GNAT1: variants seen among roughly 807,000 people sequenced by gnomAD.
The protein encoded by GNAT1 is guanine nucleotide-binding protein G(t) subunit alpha-1.
In GNAT1, 36 loss-of-function variants were observed where a neutral mutation model predicts 40.0. The ratio of observed to expected loss-of-function variants is 0.90; its 90% CI spans 0.69 to 1.19. The LOEUF (loss-of-function observed/expected upper bound fraction) is 1.19. Among genes scored for constraint, GNAT1 ranks in the 50% most tolerant of loss-of-function variants. GNAT1 has a pLI of 0.00. For missense variants in GNAT1, 413 were observed against 480.6 expected, an observed-to-expected ratio of 0.86 and a Z score of 1.32; for synonymous variants, 195 against 192.9, an observed-to-expected ratio of 1.01 and a Z score of -0.09.
Position 50,194,478 on chromosome 3 carries a change from C to T in GNAT1, c.709-23C>T, listed in dbSNP as rs765414248. 1.7e-5 allele frequency: 27 copies of T among 1,611,842 alleles called. No individual in the cohort carries two copies. The highest frequency in any genetic ancestry group is 2.0e-5 in the Non-Finnish European group (24 of 1,179,450). ...GCGGGTCGGACGCTACCCCGGGTGC[C>T]CAACAGCTGCTGCCCTCCTCAGAAC... On this transcript the variant is annotated intron_variant, in intron 6 of 8. Transcript: ENST00000232461. The surrounding 1 kb of genome is among the most constrained non-coding windows in gnomAD (Gnocchi z 6.1).
At position 50,193,784 on chromosome 3, in the gene GNAT1, C is replaced by T; in HGVS notation, c.481C>T (p.Pro161Ser). Residue 161 changes from proline (P) to serine (S), a missense_variant, in exon 5 of 9, where the codon CCG (proline) becomes TCG (serine). Physicochemically the swap from Pro to Ser is moderately conservative, Grantham distance 74. Coordinates refer to ENST00000232461, the MANE Select transcript of GNAT1 (RefSeq NM_144499.3). The surrounding 1 kb of genome is among the most constrained non-coding windows in gnomAD (Gnocchi z 8.1). ...CTCCGACCTGGAGCGCCTGGTAACCCCGGGCTACGTGCCCACCGAGCAGGA... is the reference window on the plus strand; with the variant it reads ...CTCCGACCTGGAGCGCCTGGTAACCTCGGGCTACGTGCCCACCGAGCAGGA... ...YLSDLERLVT[P>S]GYVPTEQDVL... 1.9e-6 allele frequency: 3 copies of T among 1,612,714 alleles called. No homozygotes were observed. Among genetic ancestry groups the T allele is most frequent in the Non-Finnish European group, 2.5e-6 (3 of 1,179,850 alleles).
In GNAT1 at chr3:50,197,516, T is replaced by G. The variant is rs1699520001; in HGVS notation, c.*2250T>G. Among the ~76,000 whole-genome samples the G allele has an allele frequency of 6.6e-6, 1 of 152,242 alleles. No individual in the cohort carries two copies. The highest frequency in any genetic ancestry group is 1.5e-5 in the Non-Finnish European group (1 of 68,044). On this transcript the variant is annotated 3_prime_UTR_variant, in exon 9 of 9. Transcript: ENST00000232461. ...AACTGGCTTATTTCACTTAGCATCA[T>G]GTCTTCAAGGTTTATTCATGTGTAG...
At position 50,196,674 on chromosome 3, in the gene GNAT1, A is replaced by G. The variant is rs1418616294; in HGVS notation, c.*1408A>G. Among the ~76,000 whole-genome samples, 5 of 152,090 alleles carry G rather than the reference A, an allele frequency of 3.3e-5. No homozygotes were observed. Among genetic ancestry groups the G allele is most frequent in the African/African-American group, 9.7e-5 (4 of 41,382 alleles). ...GGGCACTCTTGGGGGTATGGGACCA[A>G]CTCATGGCTTTTCACGGGAGTTGAG... On this transcript the variant is annotated 3_prime_UTR_variant, in exon 9 of 9. Transcript: ENST00000232461.
rs976908612 is a variant in GNAT1, at chr3:50,194,765, GA to G, written c.864del (p.Asn290ThrfsTer23). 1.9e-6 allele frequency: 3 copies of G among 1,613,624 alleles called. No homozygotes were observed. The Admixed American group carries it at 5.0e-5, about 27-fold the overall frequency. The part of the protein sequence containing the change: ...HLSICFPDYD[G>X]PNTYEDAGNY... Reference sequence around the variant, plus strand: ...AGAGTGAGAGCTCCCGCCCCCGCAGGACCCAACACCTACGAGGACGCCGGCA... The same window carrying G: ...AGAGTGAGAGCTCCCGCCCCCGCAGGCCCAACACCTACGAGGACGCCGGCA... On this transcript the variant is annotated frameshift_variant and splice_region_variant, in exon 8 of 9. Transcript: ENST00000232461. LOFTEE classifies it high-confidence loss of function. This position sits in a 1 kb window ranked among gnomAD's most constrained non-coding sequence, Gnocchi z 6.1.
In GNAT1 at chr3:50,197,055, A is replaced by C. The variant is rs187475557; in HGVS notation, c.*1789A>C. ...TAACCAAGGTAAATAATATTAGGAT[A>C]ATATTTTTAAAAATCAAATGAATGC... On this transcript the variant is annotated 3_prime_UTR_variant, in exon 9 of 9. Coordinates refer to ENST00000232461, the MANE Select transcript of GNAT1 (RefSeq NM_144499.3). Among the ~76,000 whole-genome samples, 5 of 152,334 alleles carry C rather than the reference A, an allele frequency of 3.3e-5. No homozygotes were observed. In the East Asian group the frequency reaches 7.7e-4, roughly 23 times the overall value.
chr3:50,192,854 G>T (rs1699433312), intron 1 of GNAT1: 1 of 580,664 alleles, frequency 1.7e-6, no homozygotes, highest in Non-Finnish European at 3.1e-6. Flanking sequence ...GCCTGTGCCG[G>T]GGTCTTGGGG....
chr3:50,193,498 G>T lies in GNAT1; in HGVS notation c.292-8G>T. On this transcript the variant is annotated splice_region_variant and splice_polypyrimidine_tract_variant and intron_variant, in intron 3 of 8. Transcript: ENST00000232461. The surrounding 1 kb of genome is among the most constrained non-coding windows in gnomAD (Gnocchi z 8.1). Reference sequence around the variant, plus strand: ...GGCCGCCACCAGCCACTCTCACCCTGCCCCCAGGACGACGCCCGGAAGCTG... The same window carrying T: ...GGCCGCCACCAGCCACTCTCACCCTTCCCCCAGGACGACGCCCGGAAGCTG... The T allele has an allele frequency of 5.6e-6, 9 of 1,613,198 alleles. No individual in the cohort carries two copies. The highest frequency in any genetic ancestry group is 7.6e-6 in the Non-Finnish European group (9 of 1,179,826).
chr3:50,196,238 A>T lies in GNAT1; in HGVS notation c.*972A>T, dbSNP rs1206320363. 3 of 152,184 alleles carry T rather than the reference A, an allele frequency of 2.0e-5. No homozygotes were observed. The highest frequency in any genetic ancestry group is 7.2e-5 in the African/African-American group (3 of 41,410). The allele number at this position is 152,184 out of a possible 1,614,324, so 9.4% of individuals were successfully genotyped here. On this transcript the variant is annotated 3_prime_UTR_variant, in exon 9 of 9. Coordinates refer to ENST00000232461, the MANE Select transcript of GNAT1 (RefSeq NM_144499.3). ...GTGGGGTTACAAGCAAACCTGGGTGACCCTCTTGTCCCTACCAGCAGCTTC... is the reference window on the plus strand; with the variant it reads ...GTGGGGTTACAAGCAAACCTGGGTGTCCCTCTTGTCCCTACCAGCAGCTTC...
rs1333952241 is a variant in GNAT1 at position 50,194,054 on chromosome 3, G to T, written c.579-38G>T. 1.2e-6 allele frequency: 2 copies of T among 1,611,008 alleles called. No homozygotes were observed. The highest frequency in any genetic ancestry group is 1.7e-6 in the Non-Finnish European group (2 of 1,178,222). ...CAGGGCGAAGGGATGTTGCCTGTGGGGCCCGGGGCGCAGGTTCAGGCCCCC... is the reference window on the plus strand; with the variant it reads ...CAGGGCGAAGGGATGTTGCCTGTGGTGCCCGGGGCGCAGGTTCAGGCCCCC... On this transcript the variant is annotated intron_variant, in intron 5 of 8. Transcript: ENST00000232461. This position sits in a 1 kb window ranked among gnomAD's most constrained non-coding sequence, Gnocchi z 6.1.
Position 50,194,340 on chromosome 3 carries a change from C to A in GNAT1, c.708+119C>A. ...GGGAGGGGATGCCTGTCCCGGGCGG[C>A]CTGAGGAGGCCCGGAGGCGTTCAGC... is the stretch of plus-strand genomic sequence containing the variant. On this transcript the variant is annotated intron_variant, in intron 6 of 8. Coordinates refer to ENST00000232461, the MANE Select transcript of GNAT1 (RefSeq NM_144499.3). This position sits in a 1 kb window ranked among gnomAD's most constrained non-coding sequence, Gnocchi z 6.1. 1 of 1,416,414 alleles carries A rather than the reference C, an allele frequency of 7.1e-7. No homozygotes were observed. The highest frequency in any genetic ancestry group is 9.7e-7 in the Non-Finnish European group (1 of 1,031,478). The allele number at this position is 1,416,414 out of a possible 1,614,324, so 87.7% of individuals were successfully genotyped here.
chr3:50,193,355 C>T lies in GNAT1; in HGVS notation c.240C>T (p.Ile80=), dbSNP rs1699443540. Reference sequence around the variant, plus strand: ...ACACGTTGCAGTCCATCCTGGCCATCGTACGCGCCATGACCACACTCAACA... The same window carrying T: ...ACACGTTGCAGTCCATCCTGGCCATTGTACGCGCCATGACCACACTCAACA... ...YGNTLQSILA[I]VRAMTTLNIQ... is the part of the protein sequence containing the mutation. The change falls in exon 3 of 9, where the codon ATC becomes ATT. Residue 80 remains isoleucine, a synonymous_variant. Transcript: ENST00000232461. This position sits in a 1 kb window ranked among gnomAD's most constrained non-coding sequence, Gnocchi z 8.1. 6.2e-7 allele frequency: 1 copy of T among 1,614,066 alleles called. No individual in the cohort carries two copies. The highest frequency in any genetic ancestry group is 1.1e-5 in the South Asian group (1 of 91,088).
At position 50,194,998 on chromosome 3, in the gene GNAT1, GC is replaced by G. The variant is rs1699481245; in HGVS notation, c.*1+46del. 1.4e-6 allele frequency: 2 copies of G among 1,397,488 alleles called. No individual in the cohort carries two copies. Among genetic ancestry groups the G allele is most frequent in the Non-Finnish European group, 2.0e-6 (2 of 1,002,444 alleles). The allele number at this position is 1,397,488 out of a possible 1,614,324, so 86.6% of individuals were successfully genotyped here. A position where few individuals can be genotyped will look rare whatever the true frequency, so the allele number is the denominator to read the frequency against. On this transcript the variant is annotated intron_variant, in intron 8 of 8. Transcript: ENST00000232461. The surrounding 1 kb of genome is among the most constrained non-coding windows in gnomAD (Gnocchi z 6.1). ...TCCAGGCTCTTGCCTCAATACCCCA[GC>G]CCCGTCCAGCTCCCCACCCCACACC...
rs1292384014 is a variant in GNAT1 at position 50,192,217 on chromosome 3, G to A, written c.106+386G>A. On this transcript the variant is annotated intron_variant, in intron 1 of 8. Coordinates refer to ENST00000232461, the MANE Select transcript of GNAT1 (RefSeq NM_144499.3). ...AAGCCAGGAGCCTCACTGGGAGCCC[G>A]TTATTGGGCTGCTACTTTGGGAAGG... 7.9e-5 allele frequency among the ~76,000 whole-genome samples: 12 copies of A among 152,218 alleles called. No homozygotes were observed. The East Asian group carries it at 1.9e-3, about 24-fold the overall frequency.
chr3:50,195,417 C>A lies in GNAT1; in HGVS notation c.*151C>A. 4.3e-6 allele frequency: 1 copy of A among 233,484 alleles called. No homozygotes were observed. The highest frequency in any genetic ancestry group is 8.6e-6 in the Non-Finnish European group (1 of 115,886). 14.5% of individuals were successfully genotyped at this position (233,484 alleles called of 1,614,324 possible). A position where few individuals can be genotyped will look rare whatever the true frequency, so the allele number is the denominator to read the frequency against. On this transcript the variant is annotated 3_prime_UTR_variant, in exon 9 of 9. Transcript: ENST00000232461. ...GCTCTGAGCCCTGCTAGCCTTGAGG[C>A]GCGGACCCTCCCCCATACCTCCCAC...
rs1699412597 is a variant in GNAT1, at chr3:50,191,676, A to G, written c.-50A>G. On this transcript the variant is annotated 5_prime_UTR_variant, in exon 1 of 9. Coordinates refer to ENST00000232461, the MANE Select transcript of GNAT1 (RefSeq NM_144499.3). ...AGGCCAGGTTCTGGGGATCCCCTCC[A>G]TCCAGAAGAACCACCTGCTCACTCT... The G allele has an allele frequency of 2.2e-6, 3 of 1,374,860 alleles. No homozygotes were observed. Among genetic ancestry groups the G allele is most frequent in the Non-Finnish European group, 3.1e-6 (3 of 962,094 alleles). 85.2% of individuals were successfully genotyped at this position (1,374,860 alleles called of 1,614,324 possible). A position where few individuals can be genotyped will look rare whatever the true frequency, so the allele number is the denominator to read the frequency against.
chr3:50,192,818 T>C, intron 1 of GNAT1: 1 of 530,126 alleles, frequency 1.9e-6, no homozygotes, highest in East Asian at 3.3e-5. Context: ...ATTTCTTCAT[T>C]GCAGTCTCAC....
chr3:50,193,056 G>C lies in GNAT1; in HGVS notation c.107-77G>C, dbSNP rs1029402206. On this transcript the variant is annotated intron_variant, in intron 1 of 8. Coordinates refer to ENST00000232461, the MANE Select transcript of GNAT1 (RefSeq NM_144499.3). This position sits in a 1 kb window ranked among gnomAD's most constrained non-coding sequence, Gnocchi z 8.1. ...GCGGGTCCACCCTGCCAACTCGGGAGGTCCCCGTCCTCCTGGCCTCCTTGC... is the reference window on the plus strand; with the variant it reads ...GCGGGTCCACCCTGCCAACTCGGGACGTCCCCGTCCTCCTGGCCTCCTTGC... The C allele has an allele frequency of 1.6e-5, 25 of 1,520,014 alleles. No homozygotes were observed. The highest frequency in any genetic ancestry group is 2.3e-5 in the Non-Finnish European group (25 of 1,102,958). 94.2% of individuals were successfully genotyped at this position (1,520,014 alleles called of 1,614,324 possible). A position where few individuals can be genotyped will look rare whatever the true frequency, so the allele number is the denominator to read the frequency against.
In GNAT1 at chr3:50,194,481, A is replaced by C; in HGVS notation, c.709-20A>C. 1 of 1,612,322 alleles carries C rather than the reference A, an allele frequency of 6.2e-7. No homozygotes were observed. The highest frequency in any genetic ancestry group is 8.5e-7 in the Non-Finnish European group (1 of 1,179,592). ...GGTCGGACGCTACCCCGGGTGCCCA[A>C]CAGCTGCTGCCCTCCTCAGAACCGC... On this transcript the variant is annotated intron_variant, in intron 6 of 8. Coordinates refer to ENST00000232461, the MANE Select transcript of GNAT1 (RefSeq NM_144499.3). The surrounding 1 kb of genome is among the most constrained non-coding windows in gnomAD (Gnocchi z 6.1).
At position 50,193,089 on chromosome 3, in the gene GNAT1, G is replaced by A. The variant is rs761765373; in HGVS notation, c.107-44G>A. The A allele has an allele frequency of 3.7e-6, 6 of 1,610,070 alleles. No homozygotes were observed. Among genetic ancestry groups the A allele is most frequent in the Non-Finnish European group, 4.2e-6 (5 of 1,177,804 alleles). Reference sequence around the variant, plus strand: ...TCCTCCTGGCCTCCTTGCTGGAGGGGGCAGGCTGGTCAGCGCAGCTCTGAG... The same window carrying A: ...TCCTCCTGGCCTCCTTGCTGGAGGGAGCAGGCTGGTCAGCGCAGCTCTGAG... On this transcript the variant is annotated intron_variant, in intron 1 of 8. Coordinates refer to ENST00000232461, the MANE Select transcript of GNAT1 (RefSeq NM_144499.3). The surrounding 1 kb of genome is among the most constrained non-coding windows in gnomAD (Gnocchi z 8.1).
Sources: gnomAD v4.1 joint callset for allele counts (sites outside exome capture counted in the v4.1 genomes callset) on GRCh38, gnomAD v4.1.1 for gene constraint, Gnocchi (gnomAD v3.1) non-coding constraint, MANE v1.5 for transcripts, NCBI Gene and HGNC (gene_info 2026-07-23, HGNC 2026-07-21) for gene names.